AFDN: variants seen among roughly 807,000 people sequenced by gnomAD.
AFDN encodes the protein afadin.
Under a neutral mutation model 216.6 loss-of-function variants are expected in AFDN, and 68 were observed. That is an observed-to-expected ratio of 0.31 (90% CI 0.26 to 0.38). The LOEUF is 0.38. Among genes scored for constraint, AFDN ranks in the 10% least tolerant of loss-of-function variants. AFDN has a pLI of 1.00. For synonymous variants in AFDN, 868 were observed against 853.7 expected, an observed-to-expected ratio of 1.02 and a Z score of -0.29; for missense variants, 2,136 against 2,342.0, an observed-to-expected ratio of 0.91 and a Z score of 1.82.
rs1440367677 is a variant in AFDN, at chr6:167,837,315, T to TA, written c.105+10079dup. Among the ~76,000 whole-genome samples the TA allele has an allele frequency of 7.9e-5, 12 of 151,924 alleles. No individual in the cohort carries two copies. The East Asian group carries it at 2.3e-3, about 29-fold the overall frequency. On this transcript the variant is annotated intron_variant, in intron 1 of 33. Coordinates refer to ENST00000683244, the MANE Select transcript of AFDN (RefSeq NM_001386888.1). ...TGCTTATTTTAGAGCATTTGGAAAA[T>TA]ACAAACAGAAATGAAGGTAACAAAT...
rs1466552957 is a variant in AFDN, at chr6:167,865,312, A to G, written c.301+566A>G. Among the ~76,000 whole-genome samples the G allele has an allele frequency of 2.0e-5, 3 of 152,218 alleles. No individual in the cohort carries two copies. The South Asian group carries it at 6.2e-4, about 31-fold the overall frequency. On this transcript the variant is annotated intron_variant, in intron 2 of 33. Transcript: ENST00000683244. The stretch of plus-strand genomic sequence containing the variant: ...ATATCTTATATAGCAATATCAAATG[A>G]CAACTAAAATTAGACTGATTAAGAA...
chr6:167,947,069 C>CT (rs1795351849), intron 27 of AFDN, among the ~76,000 whole-genome samples, 168 bp downstream of exon 27: 1 of 152,184 alleles, frequency 6.6e-6, no homozygotes, highest in African/African-American at 2.4e-5. Flanking sequence ...CTAACAAAAA[C>CT]TAAGATGGAA....
At chr6:167,901,398 A>G (rs1327182740) in intron 11 of AFDN, among the ~76,000 whole-genome samples, 1 of 152,134 alleles carries the variant, frequency 6.6e-6, no homozygotes, top group Non-Finnish European at 1.5e-5. Context: ...AGTCGGTCCC[A>G]GCTTGTTAGA....
chr6:167,946,436 A>G (rs1326310415), intron 26 of AFDN, among the ~76,000 whole-genome samples: 2 of 152,214 alleles, frequency 1.3e-5, no homozygotes, highest in Non-Finnish European at 2.9e-5. Flanking sequence ...GATACTTTAA[A>G]AATGGTTAGA....
chr6:167,834,457 G>GGTT (rs1554275698), intron 1 of AFDN, among the ~76,000 whole-genome samples: 89 of 75,268 alleles, frequency 1.2e-3, no homozygotes, highest in Non-Finnish European at 1.6e-3. Context: ...TGTTGTTTCG[G>GGTT]TTTTTTTTTT....
intron 18 of AFDN, 97 bp from the exon 19 acceptor site, chr6:167,915,071 A>T: frequency 7.8e-7 from 1 of 1,288,270 alleles, no homozygotes; most frequent in Non-Finnish European, 1.1e-6. Context: ...AACGGCACTT[A>T]CTACCATAGG....
intron 23 of AFDN, 108 bp downstream of exon 23, chr6:167,925,199 GC>G: frequency 1.3e-6 from 1 of 774,444 alleles, no homozygotes. Flanking sequence ...TGTATAACGT[GC>G]CTGTTCAGTT....
chr6:167,928,352 G>A (rs1024185427), intron 23 of AFDN, among the ~76,000 whole-genome samples: 2 of 152,222 alleles, frequency 1.3e-5, no homozygotes, highest in Non-Finnish European at 2.9e-5. Context: ...GTGACAGGGG[G>A]CAATTAGGAC....
intron 1 of AFDN, among the ~76,000 whole-genome samples, chr6:167,840,955 T>A (rs1347628655): frequency 6.6e-6 from 1 of 152,094 alleles, no homozygotes; most frequent in Non-Finnish European, 1.5e-5. Context: ...GGCATCTGAG[T>A]CTGTGGAGTG....
intron 26 of AFDN, among the ~76,000 whole-genome samples, chr6:167,946,431 T>C (rs1795273419): frequency 6.6e-6 from 1 of 152,152 alleles, no homozygotes; most frequent in South Asian, 2.1e-4. Context: ...TTAAAGATAC[T>C]TTAAAAATGG....
At chr6:167,933,447 A>G (rs1793580444) in intron 23 of AFDN, among the ~76,000 whole-genome samples, 1 of 152,216 alleles carries the variant, frequency 6.6e-6, no homozygotes, top group Non-Finnish European at 1.5e-5. Context: ...GAAGACTTTG[A>G]GACCTTCTCT....
intron 12 of AFDN, among the ~76,000 whole-genome samples, chr6:167,905,097 T>A (rs78197172): frequency 6.6e-6 from 1 of 152,210 alleles, no homozygotes; most frequent in African/African-American, 2.4e-5. Flanking sequence ...TTTCACACTC[T>A]GGCCCCTTCT....
chr6:167,890,684 A>T (rs927755088), intron 7 of AFDN, among the ~76,000 whole-genome samples, 178 bp from the exon 8 acceptor site: 1 of 152,044 alleles, frequency 6.6e-6, no homozygotes, highest in African/African-American at 2.4e-5. Context: ...CCAAGAGGCT[A>T]ATATTTCCTC....
chr6:167,965,826 C>G lies in AFDN; in HGVS notation c.5038C>G (p.Arg1680Gly). Residue 1680 changes from arginine to glycine, a missense_variant, in exon 32 of 34, where the codon CGC becomes GGC. Physicochemically the swap from Arg to Gly is moderately radical, Grantham distance 125. This residue lies in a region of AFDN where 981 missense variants were observed against 966.0 expected (regional missense o/e 1.02). Transcript: ENST00000683244. Reference protein sequence around the residue: ...ERRRQHDEAARRLLEPEAPGL... With the variant: ...ERRRQHDEAAGRLLEPEAPGL... ...GCGCAGACAGCACGACGAGGCGGCG[C>G]GCAGGTTGCTGGAGCCCGAGGCGCC... 1 of 1,558,936 alleles carries G rather than the reference C, an allele frequency of 6.4e-7. No individual in the cohort carries two copies. Among genetic ancestry groups the G allele is most frequent in the Non-Finnish European group, 8.7e-7 (1 of 1,151,758 alleles).
At chr6:167,872,600 A>G (rs1312259867) in intron 4 of AFDN, among the ~76,000 whole-genome samples, 1 of 152,206 alleles carries the variant, frequency 6.6e-6, no homozygotes, top group African/African-American at 2.4e-5. Flanking sequence ...CTTGGGAAGA[A>G]TCTCTGCACC....
chr6:167,911,615 A>C, intron 15 of AFDN, 126 bp downstream of exon 15: 1 of 813,680 alleles, frequency 1.2e-6, no homozygotes, highest in Non-Finnish European at 2.0e-6. Flanking sequence ...AAAGTTATGT[A>C]AATATTGTAG....
At position 167,951,091 on chromosome 6, in the gene AFDN, A is replaced by T; in HGVS notation, c.3832-95A>T. 1 of 1,444,194 alleles carries T rather than the reference A, an allele frequency of 6.9e-7. No homozygotes were observed. The highest frequency in any genetic ancestry group is 9.1e-7 in the Non-Finnish European group (1 of 1,100,006). 89.5% of individuals were successfully genotyped at this position (1,444,194 alleles called of 1,614,324 possible). ...TCAGTCTCTTTCTGTACACTGATTT[A>T]ACAGTTTTTCTTCTGTCTGAAGATA... is the stretch of plus-strand genomic sequence containing the variant. On this transcript the variant is annotated intron_variant, in intron 29 of 33. Transcript: ENST00000683244. This position sits in a 1 kb window ranked among gnomAD's most constrained non-coding sequence, Gnocchi z 7.1.
chr6:167,932,405 A>T (rs189858314), intron 23 of AFDN, among the ~76,000 whole-genome samples: 1 of 152,312 alleles, frequency 6.6e-6, no homozygotes, highest in East Asian at 1.9e-4. Context: ...CTTCTTGGTC[A>T]TCTGTGGGAC....
Position 167,889,257 on chromosome 6 carries a change from G to A in AFDN, c.940G>A (p.Ala314Thr). 6.2e-7 allele frequency: 1 copy of A among 1,614,028 alleles called. No homozygotes were observed. The highest frequency in any genetic ancestry group is 1.3e-5 in the African/African-American group (1 of 75,028). The change falls in exon 7 of 34, where the codon GCT becomes ACT. Residue 314 changes from alanine (A) to threonine (T), a missense_variant. Physicochemically the swap from Ala to Thr is moderately conservative, Grantham distance 58 (BLOSUM62 0). This residue lies in a region of AFDN where 817 missense variants were observed against 965.7 expected (regional missense o/e 0.85). Transcript: ENST00000683244. ...AGCCCAGCATTCTGATGAAAAGGGT[G>A]CTAAAGAAATTATTCTTGATGATGA... ...PGAQHSDEKG[A>T]KEIILDDDEC...
Sources: gnomAD v4.1 joint callset for allele counts (sites outside exome capture counted in the v4.1 genomes callset) on GRCh38, gnomAD v4.1.1 for gene constraint, gnomAD v4.1.1 regional missense constraint, Gnocchi (gnomAD v3.1) non-coding constraint, MANE v1.5 for transcripts, NCBI Gene and HGNC (gene_info 2026-07-23, HGNC 2026-07-21) for gene names.